ESRRG: variants seen among roughly 807,000 people sequenced by gnomAD.
The protein encoded by ESRRG is estrogen-related receptor gamma.
Under a neutral mutation model 44.0 loss-of-function variants are expected in ESRRG, and 13 were observed. The observed-to-expected ratio is 0.30, with a 90% CI of 0.19 to 0.47. The LOEUF (loss-of-function observed/expected upper bound fraction) is 0.47, where lower values mean the gene tolerates loss of function less well. ESRRG is among the 20% of genes least tolerant of loss of function. The pLI, the probability that ESRRG is intolerant of heterozygous loss-of-function variation, is 1.00. For missense variants in ESRRG, 395 were observed against 580.6 expected (o/e 0.68, Z 3.29); for synonymous variants, 215 against 214.6 (o/e 1.00, Z -0.02).
chr1:216,981,428 A>G (rs966044647), intron 1 of ESRRG, among the ~76,000 whole-genome samples: 14 of 152,126 alleles, frequency 9.2e-5, no homozygotes, highest in Admixed American at 4.6e-4. Context: ...GGCCTGTAAA[A>G]TGGAGACAAT....
intron 2 of ESRRG, among the ~76,000 whole-genome samples, chr1:216,795,895 AAGAGGT>A: frequency 1.3e-5 from 2 of 152,250 alleles, no homozygotes; most frequent in Admixed American, 1.3e-4. Flanking sequence ...GTAATTGATC[AAGAGGT>A]ATACAGGAAG....
intron 3 of ESRRG, among the ~76,000 whole-genome samples, chr1:216,582,926 C>T (rs1006929230): frequency 7.9e-5 from 12 of 151,262 alleles, no homozygotes; most frequent in Admixed American, 4.0e-4. Context: ...TACAAAGGAG[C>T]GGAAGAAACT....
chr1:216,693,237 T>G (rs752142033), intron 1 of ESRRG, among the ~76,000 whole-genome samples: 2 of 151,084 alleles, frequency 1.3e-5, no homozygotes, highest in Non-Finnish European at 3.0e-5. Context: ...AGTTAACATC[T>G]TTTTTTGTGT....
chr1:216,589,747 C>T (rs1043171307), intron 3 of ESRRG, among the ~76,000 whole-genome samples: 4 of 151,334 alleles, frequency 2.6e-5, no homozygotes, highest in Non-Finnish European at 5.9e-5. Context: ...TCACTAAAAG[C>T]ACAAAAATTA....
chr1:216,800,809 G>T (rs181483837), intron 2 of ESRRG, among the ~76,000 whole-genome samples: 4 of 152,168 alleles, frequency 2.6e-5, no homozygotes, highest in East Asian at 1.9e-4. Flanking sequence ...TGTATTAAAG[G>T]CTTATAAATC....
intron 2 of ESRRG, among the ~76,000 whole-genome samples, chr1:216,917,222 T>C (rs1032729008): frequency 6.6e-6 from 1 of 150,898 alleles, no homozygotes; most frequent in African/African-American, 2.4e-5. Context: ...ATCTGCCAGG[T>C]CTACTTAATG....
chr1:216,522,146 T>G (rs1355688801), intron 5 of ESRRG, among the ~76,000 whole-genome samples: 2 of 151,968 alleles, frequency 1.3e-5, no homozygotes, highest in African/African-American at 4.8e-5. Context: ...GTTGTGTGTG[T>G]GTATATGTGT....
chr1:216,610,889 A>T (rs969751413), intron 3 of ESRRG, among the ~76,000 whole-genome samples: 1 of 152,160 alleles, frequency 6.6e-6, no homozygotes, highest in East Asian at 1.9e-4. Flanking sequence ...AAAATGGTAG[A>T]GGCAGAACTG....
intron 1 of ESRRG, among the ~76,000 whole-genome samples, chr1:217,121,708 C>T (rs1000476208): frequency 1.3e-5 from 2 of 152,142 alleles, no homozygotes; most frequent in African/African-American, 4.8e-5. Context: ...GAGAAGTTAA[C>T]CTGGGAAGAT....
intron 2 of ESRRG, among the ~76,000 whole-genome samples, chr1:216,923,822 A>G (rs891340869): frequency 6.6e-6 from 1 of 152,076 alleles, no homozygotes; most frequent in Admixed American, 6.6e-5. Context: ...ACTGAATTGG[A>G]TTTTCGGGTT....
At chr1:216,570,662 A>T (rs1020483559) in intron 3 of ESRRG, among the ~76,000 whole-genome samples, 3 of 152,184 alleles carry the variant, frequency 2.0e-5, no homozygotes, top group Non-Finnish European at 4.4e-5. Context: ...TTGTCATCCA[A>T]TTCCAACCCA....
At chr1:216,698,718 G>A (rs1336921741) in intron 1 of ESRRG, among the ~76,000 whole-genome samples, 2 of 152,034 alleles carry the variant, frequency 1.3e-5, no homozygotes, top group East Asian at 3.9e-4. Context: ...TAAACTAACG[G>A]GGTGTCAGAG....
intron 1 of ESRRG, among the ~76,000 whole-genome samples, chr1:217,045,370 G>A (rs562261071): frequency 6.6e-6 from 1 of 152,152 alleles, no homozygotes; most frequent in Non-Finnish European, 1.5e-5. Flanking sequence ...GAATCCAAGA[G>A]AAACTTCTAA....
chr1:216,779,264 T>C (rs2093765835), intron 2 of ESRRG, among the ~76,000 whole-genome samples: 5 of 40,932 alleles, frequency 1.2e-4, no homozygotes, highest in African/African-American at 2.3e-4. Context: ...TAAATATAAA[T>C]ATATATTTAT....
chr1:216,567,915 C>T (rs2059974443), intron 4 of ESRRG, 73 bp downstream of exon 4: 8 of 951,998 alleles, frequency 8.4e-6, no homozygotes, highest in Middle Eastern at 2.2e-4. Flanking sequence ...ATGGGCATGC[C>T]AAAGCTGATG....
chr1:217,124,430 G>A (rs1350464460), intron 1 of ESRRG, among the ~76,000 whole-genome samples: 2 of 152,170 alleles, frequency 1.3e-5, no homozygotes, highest in Non-Finnish European at 2.9e-5. Flanking sequence ...AATAAAGCAT[G>A]TACTTAACGA....
intron 2 of ESRRG, among the ~76,000 whole-genome samples, chr1:216,671,457 A>T (rs1010307744): frequency 1.3e-5 from 2 of 152,074 alleles, no homozygotes; most frequent in Admixed American, 1.3e-4. Flanking sequence ...ATCAAGGATA[A>T]CTCTGTGCTA....
chr1:217,119,479 C>T (rs906883623), intron 1 of ESRRG, among the ~76,000 whole-genome samples: 1 of 152,192 alleles, frequency 6.6e-6, no homozygotes, highest in African/African-American at 2.4e-5. Context: ...ACATCCTATA[C>T]AAATGAAAAG....
At chr1:216,789,415 C>G (rs2094239906) in intron 2 of ESRRG, among the ~76,000 whole-genome samples, 1 of 152,108 alleles carries the variant, frequency 6.6e-6, no homozygotes, top group Non-Finnish European at 1.5e-5. Context: ...ATATTTAAAA[C>G]TTAAGGCATG....
Sources: allele counts gnomAD v4.1 joint callset (sites outside exome capture counted in the v4.1 genomes callset), GRCh38; gene constraint gnomAD v4.1.1; transcripts MANE v1.5; gene names NCBI Gene and HGNC (gene_info 2026-07-23, HGNC 2026-07-21).